The following VDAC1 variants were observed in gnomAD, a reference collection of about 807,000 sequenced individuals.
VDAC1 encodes the protein non-selective voltage-gated ion channel VDAC1.
VDAC1 carries 10 observed loss-of-function variants against 34.7 expected under a neutral mutation model. The observed-to-expected ratio is 0.29, with a 90% CI of 0.18 to 0.49. The LOEUF (loss-of-function observed/expected upper bound fraction) is 0.49, where lower values mean the gene tolerates loss of function less well. VDAC1 is among the 20% of genes least tolerant of loss of function. The pLI, the probability that VDAC1 is intolerant of heterozygous loss-of-function variation, is 0.99. For synonymous variants in VDAC1, 130 were observed against 136.0 expected (o/e 0.96, Z 0.30); for missense variants, 230 against 347.9 (o/e 0.66, Z 2.69).
chr5:134,062,605 G>C, the VDAC1 span, among the ~76,000 whole-genome samples: 1 of 146,734 alleles, frequency 6.8e-6, no homozygotes, highest in Non-Finnish European at 1.5e-5. Flanking sequence ...TTCTGAAACA[G>C]CTTTTGTTTG....
At chr5:134,044,005 C>T in the VDAC1 span, among the ~76,000 whole-genome samples, 1 of 152,180 alleles carries the variant, frequency 6.6e-6, no homozygotes, top group Non-Finnish European at 1.5e-5. Context: ...CGCAAAGAGA[C>T]GTTGATCAAC....
intron 7 of VDAC1, 99 bp from the exon 8 acceptor site, chr5:133,973,947 T>C (rs1271131070): frequency 1.8e-5 from 21 of 1,149,732 alleles, no homozygotes; most frequent in Non-Finnish European, 2.5e-5. Context: ...CCTTGGACTT[T>C]AGAATCAAAA....
chr5:134,066,137 C>T, the VDAC1 span, among the ~76,000 whole-genome samples: 18 of 151,744 alleles, frequency 1.2e-4, no homozygotes, highest in African/African-American at 4.1e-4. Flanking sequence ...GACGGAGTCT[C>T]GCTCTGTTGC....
At chr5:134,109,229 A>G in the VDAC1 span, among the ~76,000 whole-genome samples, 121,648 of 152,196 alleles carry the variant, frequency 0.8, 48,968 homozygotes, top group Non-Finnish European at 0.86. Context: ...AAAGCCCTGT[A>G]TAGCCCTGTC....
At chr5:133,996,348 C>T (rs1753307626) in intron 1 of VDAC1, among the ~76,000 whole-genome samples, 1 of 152,208 alleles carries the variant, frequency 6.6e-6, no homozygotes, top group Non-Finnish European at 1.5e-5. Context: ...CCAACCTTTC[C>T]TTGGCTGACC....
the VDAC1 span, among the ~76,000 whole-genome samples, chr5:134,035,187 G>A: frequency 7.2e-3 from 1,099 of 152,228 alleles, 12 homozygotes; most frequent in African/African-American, 0.025. Context: ...CACATCTTGC[G>A]GTCCTGGGAA....
chr5:134,022,037 C>T, the VDAC1 span, among the ~76,000 whole-genome samples: 3 of 152,142 alleles, frequency 2.0e-5, no homozygotes, highest in Admixed American at 6.6e-5. Context: ...TGTGCCACCA[C>T]GCCAGCTAGT....
chr5:134,106,648 C>T, the VDAC1 span, among the ~76,000 whole-genome samples: 1 of 152,134 alleles, frequency 6.6e-6, no homozygotes, highest in African/African-American at 2.4e-5. Flanking sequence ...CCTCGTGATC[C>T]ACCCGCCTCA....
the VDAC1 span, among the ~76,000 whole-genome samples, chr5:134,048,746 C>T: frequency 6.6e-6 from 1 of 152,034 alleles, no homozygotes; most frequent in Non-Finnish European, 1.5e-5. Flanking sequence ...GACATCTTTC[C>T]TCTAGTCCTT....
chr5:134,074,816 G>A, the VDAC1 span, among the ~76,000 whole-genome samples: 1 of 152,070 alleles, frequency 6.6e-6, no homozygotes, highest in African/African-American at 2.4e-5. Context: ...AGCAGATGAA[G>A]GGAGATTTGG....
chr5:134,042,029 G>A, the VDAC1 span, among the ~76,000 whole-genome samples: 1 of 152,354 alleles, frequency 6.6e-6, no homozygotes, highest in Non-Finnish European at 1.5e-5. Context: ...GTTTGCACTT[G>A]AAAACAAAAC....
At chr5:134,077,466 C>T in the VDAC1 span, among the ~76,000 whole-genome samples, 1 of 152,144 alleles carries the variant, frequency 6.6e-6, no homozygotes, top group Non-Finnish European at 1.5e-5. Flanking sequence ...CTCATGGAGC[C>T]TACTCCTCAG....
the VDAC1 span, among the ~76,000 whole-genome samples, chr5:134,110,064 C>T: frequency 6.6e-6 from 1 of 152,300 alleles, no homozygotes; most frequent in Non-Finnish European, 1.5e-5. Context: ...GGTGAGGGAA[C>T]CCCAAACCCA....
intron 2 of VDAC1, 63 bp downstream of exon 2, chr5:133,992,883 A>T (rs1221918332): frequency 2.6e-6 from 4 of 1,519,956 alleles, no homozygotes; most frequent in Non-Finnish European, 3.6e-6. Flanking sequence ...AGTTATCGGT[A>T]AAGTCTCAAA....
chr5:133,980,653 A>AAAAAAC, intron 6 of VDAC1, 76 bp downstream of exon 6: 1 of 953,194 alleles, frequency 1.0e-6, no homozygotes, highest in Non-Finnish European at 1.5e-6. Context: ...AAAAAAAAAA[A>AAAAAAC]CAGTGAAAAG....
At chr5:133,996,791 T>C (rs1249519222) in intron 1 of VDAC1, among the ~76,000 whole-genome samples, 2 of 152,128 alleles carry the variant, frequency 1.3e-5, no homozygotes, top group Non-Finnish European at 1.5e-5. Flanking sequence ...AATCTGACAA[T>C]AGGAACTCAT....
the VDAC1 span, among the ~76,000 whole-genome samples, chr5:134,033,220 T>A: frequency 6.9e-6 from 1 of 145,886 alleles, no homozygotes; most frequent in African/African-American, 2.6e-5. Flanking sequence ...TGCAATGGCG[T>A]GATGTCGGCT....
chr5:133,985,458 A>G (rs1172620130), intron 5 of VDAC1, among the ~76,000 whole-genome samples: 4 of 152,192 alleles, frequency 2.6e-5, no homozygotes, highest in Non-Finnish European at 5.9e-5. Flanking sequence ...GTTGGAGACC[A>G]GCCTGGCCAA....
chr5:134,104,601 C>T, the VDAC1 span, among the ~76,000 whole-genome samples: 1 of 152,170 alleles, frequency 6.6e-6, no homozygotes, highest in Non-Finnish European at 1.5e-5. Context: ...TGCTTTTAAC[C>T]TCCCTCCCCC....
Sources: gnomAD v4.1 joint callset for allele counts (sites outside exome capture counted in the v4.1 genomes callset) on GRCh38, gnomAD v4.1.1 for gene constraint, MANE v1.5 for transcripts, NCBI Gene and HGNC (gene_info 2026-07-23, HGNC 2026-07-21) for gene names.